Variants in TAF1B observed in about 807,000 individuals in gnomAD.
The protein encoded by TAF1B is TATA box-binding protein-associated factor RNA polymerase I subunit B.
Under a neutral mutation model 83.9 loss-of-function variants are expected in TAF1B, and 61 were observed. That is an observed-to-expected ratio of 0.73 (90% CI 0.59 to 0.90). TAF1B has a LOEUF of 0.90. TAF1B is among the 40% of genes least tolerant of loss of function. The pLI is 0.00. For synonymous variants in TAF1B, 221 were observed against 224.6 expected (o/e 0.98, Z 0.14); for missense variants, 625 against 677.0 (o/e 0.92, Z 0.85).
chr2:9,849,297 T>C (rs1262611014), intron 2 of TAF1B, 76 bp from the exon 3 acceptor site: 4 of 1,184,544 alleles, frequency 3.4e-6, no homozygotes, highest in African/African-American at 3.2e-5. Flanking sequence ...TATTATACTT[T>C]CCAGAAAATA....
At chr2:9,931,092 G>A (rs1056451112) in intron 14 of TAF1B, among the ~76,000 whole-genome samples, 2 of 152,242 alleles carry the variant, frequency 1.3e-5, no homozygotes, top group African/African-American at 2.4e-5. Flanking sequence ...CCTGAATACA[G>A]CACACTGATG....
rs62127140 is a variant in TAF1B, at chr2:9,884,557, G to T, written c.807+1752G>T. Among the ~76,000 whole-genome samples the T allele has an allele frequency of 2.0e-5, 3 of 152,250 alleles. No individual in the cohort carries two copies. In the East Asian group the frequency reaches 5.8e-4, roughly 29 times the overall value. On this transcript the variant is annotated intron_variant, in intron 8 of 14. Coordinates refer to ENST00000263663, the MANE Select transcript of TAF1B (RefSeq NM_005680.3). ...GCGGGCAGCTCCTTTCTGCAGCCAG[G>T]GTATCCTGATGAGCGTTCAGCTCCT... is the stretch of plus-strand genomic sequence containing the variant.
chr2:9,908,004 G>C (rs1209488729), intron 9 of TAF1B, among the ~76,000 whole-genome samples: 1 of 138,840 alleles, frequency 7.2e-6, no homozygotes, highest in African/African-American at 2.7e-5. Context: ...TTTGGCATAA[G>C]CGGAGCAGTT....
chr2:9,889,109 T>C (rs991523480), intron 8 of TAF1B, among the ~76,000 whole-genome samples: 1 of 151,778 alleles, frequency 6.6e-6, no homozygotes, highest in Non-Finnish European at 1.5e-5. Flanking sequence ...AGCCTTCTGC[T>C]TGGGTTTTAT....
chr2:9,916,834 G>GTTGTTTTTTTTTTTTTTTTTTTTT (rs1572282272), intron 12 of TAF1B, among the ~76,000 whole-genome samples: 1 of 44,848 alleles, frequency 2.2e-5, no homozygotes, highest in African/African-American at 4.6e-5. Flanking sequence ...TTTCCTTTCT[G>GTTGTTTTTTTTTTTTTTTTTTTTT]TTCTTTTTTT....
chr2:9,865,827 C>A (rs112279928), intron 5 of TAF1B, among the ~76,000 whole-genome samples: 31,301 of 144,006 alleles, frequency 0.22, 3,670 homozygotes, highest in East Asian at 0.28. Flanking sequence ...CAAAAACAAG[C>A]AAAGGGGAAA....
chr2:9,890,035 C>T (rs1416151339), intron 8 of TAF1B, among the ~76,000 whole-genome samples: 1 of 148,266 alleles, frequency 6.7e-6, no homozygotes, highest in Non-Finnish European at 1.5e-5. Flanking sequence ...ATCTCTCTGT[C>T]TATGCAATTT....
At chr2:9,846,395 A>G (rs1663208814) in intron 2 of TAF1B, among the ~76,000 whole-genome samples, 1 of 152,222 alleles carries the variant, frequency 6.6e-6, no homozygotes, top group Non-Finnish European at 1.5e-5. Flanking sequence ...TAAATGTGCC[A>G]GGACTCTCCT....
intron 12 of TAF1B, 22 bp downstream of exon 12, chr2:9,913,271 A>G: frequency 7.6e-6 from 12 of 1,580,702 alleles, no homozygotes; most frequent in Non-Finnish European, 1.0e-5. Context: ...TTCCTGGTTT[A>G]GATGCACCTG....
At chr2:9,929,394 G>C (rs755201134) in intron 14 of TAF1B, among the ~76,000 whole-genome samples, 1 of 152,090 alleles carries the variant, frequency 6.6e-6, no homozygotes, top group African/African-American at 2.4e-5. Context: ...TCCTGACCTC[G>C]TGATCCACCC....
Position 9,934,288 on chromosome 2 carries a change from A to G in TAF1B, c.*304A>G, listed in dbSNP as rs570172316. The stretch of plus-strand genomic sequence containing the variant: ...AAGCTAAATTTATTTTTTAAACTAG[A>G]TCCCTTCATTATTCTTTATGCCCCA... On this transcript the variant is annotated 3_prime_UTR_variant, in exon 15 of 15. Transcript: ENST00000263663. 4.8e-6 allele frequency: 1 copy of G among 207,048 alleles called. No individual in the cohort carries two copies. The highest frequency in any genetic ancestry group is 1.1e-4 in the East Asian group (1 of 8,794). 12.8% of individuals were successfully genotyped at this position (207,048 alleles called of 1,614,324 possible). A position where few individuals can be genotyped will look rare whatever the true frequency, so the allele number is the denominator to read the frequency against.
At chr2:9,865,402 C>T (rs188627402) in intron 5 of TAF1B, among the ~76,000 whole-genome samples, 2 of 152,228 alleles carry the variant, frequency 1.3e-5, no homozygotes, top group Admixed American at 1.3e-4. Context: ...AGGACCTCTT[C>T]GAGGAGAACT....
chr2:9,852,377 C>T (rs1464842428), intron 4 of TAF1B, among the ~76,000 whole-genome samples: 2 of 152,176 alleles, frequency 1.3e-5, no homozygotes, highest in Admixed American at 1.3e-4. Context: ...ACAAGTTGTT[C>T]ACTTGCTTCA....
Position 9,919,645 on chromosome 2 carries a change from A to T in TAF1B, c.1390A>T (p.Thr464Ser). ...QKQFSTLVES[T>S]ATAGKKSPSS... ...ACAATTTAGCACACTGGTCGAGTCA[A>T]CAGCAACTGCTGGAAAAAAAAGCCC... is the stretch of plus-strand genomic sequence containing the variant. The change falls in exon 14 of 15, where the codon ACA becomes TCA. Residue 464 changes from threonine (T) to serine (S), a missense_variant. Transcript: ENST00000263663. 1 of 1,614,134 alleles carries T rather than the reference A, an allele frequency of 6.2e-7. No individual in the cohort carries two copies. Among genetic ancestry groups the T allele is most frequent in the Non-Finnish European group, 8.5e-7 (1 of 1,180,030 alleles).
intron 14 of TAF1B, among the ~76,000 whole-genome samples, chr2:9,926,867 G>T (rs910661232): frequency 1.5e-4 from 22 of 150,900 alleles, no homozygotes; most frequent in African/African-American, 5.3e-4. Context: ...ATCAGATTCA[G>T]GTTTAACTTT....
rs781115296 is a variant in TAF1B at position 9,910,727 on chromosome 2, G to A, written c.956-9G>A. On this transcript the variant is annotated splice_polypyrimidine_tract_variant and intron_variant, in intron 9 of 14. Transcript: ENST00000263663. ...CAAATAATTTACATTTTACTGTTTT[G>A]TTCTTCAGATGAAATGCATAGCTTA... 7 of 1,603,224 alleles carry A rather than the reference G, an allele frequency of 4.4e-6. No individual in the cohort carries two copies. Among genetic ancestry groups the A allele is most frequent in the Non-Finnish European group, 6.0e-6 (7 of 1,173,044 alleles).
intron 11 of TAF1B, 89 bp downstream of exon 11, chr2:9,911,646 A>G: frequency 1.3e-6 from 1 of 750,020 alleles, no homozygotes; most frequent in Non-Finnish European, 2.1e-6. Context: ...ACTTTGAAAA[A>G]TACACATATA....
At chr2:9,857,142 A>G (rs1663590278) in intron 5 of TAF1B, among the ~76,000 whole-genome samples, 1 of 152,206 alleles carries the variant, frequency 6.6e-6, no homozygotes, top group African/African-American at 2.4e-5. Flanking sequence ...TGAAGTGATG[A>G]AGAAAGTGAG....
chr2:9,851,132 G>A (rs967078494), intron 3 of TAF1B, among the ~76,000 whole-genome samples: 7 of 152,100 alleles, frequency 4.6e-5, no homozygotes, highest in Admixed American at 2.6e-4. Context: ...GGATTCTGCT[G>A]GGCATCGTTC....
Sources: gnomAD v4.1 joint callset for allele counts (sites outside exome capture counted in the v4.1 genomes callset) on GRCh38, gnomAD v4.1.1 for gene constraint, MANE v1.5 for transcripts, NCBI Gene and HGNC (gene_info 2026-07-23, HGNC 2026-07-21) for gene names.